Variants in ELF1 observed in about 807,000 individuals in gnomAD.
ELF1 encodes the protein E74 like ETS transcription factor 1, also known as ETS-related transcription factor Elf-1.
A neutral mutation model predicts 59.9 loss-of-function variants in ELF1; 24 were observed. The observed-to-expected ratio is 0.40, with a 90% CI of 0.29 to 0.56. The LOEUF (loss-of-function observed/expected upper bound fraction) is 0.56. Among genes scored for constraint, ELF1 ranks in the 20% least tolerant of loss-of-function variants. ELF1 has a pLI of 0.44. For synonymous variants in ELF1, 248 were observed against 266.2 expected (o/e 0.93, Z 0.67); for missense variants, 627 against 742.2 (o/e 0.84, Z 1.80).
chr13:41,051,711 CTCTCTG>C (rs1400726010), intron 1 of ELF1, among the ~76,000 whole-genome samples: 4 of 152,020 alleles, frequency 2.6e-5, no homozygotes, highest in Non-Finnish European at 5.9e-5. Context: ...TCTAGAATGA[CTCTCTG>C]GATCAAAAAG....
intron 1 of ELF1, among the ~76,000 whole-genome samples, chr13:41,031,153 T>A (rs1481913076): frequency 2.1e-5 from 3 of 142,238 alleles, no homozygotes; most frequent in Admixed American, 1.4e-4. Context: ...AGTGAGACCC[T>A]ATTAAAAAAA....
At chr13:40,982,304 T>G (rs2138272992) in intron 1 of ELF1, 22 bp from the exon 2 acceptor site, 1 of 1,223,700 alleles carries the variant, frequency 8.2e-7, no homozygotes, top group Non-Finnish European at 1.0e-6. Context: ...AAGCTCAGAT[T>G]AGTTATGAAA....
chr13:40,988,886 C>T (rs1014699166), intron 1 of ELF1, among the ~76,000 whole-genome samples: 5 of 152,130 alleles, frequency 3.3e-5, no homozygotes, highest in Non-Finnish European at 4.4e-5. Context: ...CTGCAACCTC[C>T]GCCTGGGTTC....
intron 5 of ELF1, among the ~76,000 whole-genome samples, chr13:40,944,835 A>G (rs1870407077): frequency 6.6e-6 from 1 of 152,168 alleles, no homozygotes; most frequent in South Asian, 2.1e-4. Context: ...GGTAAATATA[A>G]CACAGGGCAG....
rs9566667 is a variant in ELF1 at position 41,026,093 on chromosome 13, G to C, written c.-229+34745C>G. Among the ~76,000 whole-genome samples the C allele has an allele frequency of 2.7e-3, 405 of 152,222 alleles. 7 individuals carry two copies. The East Asian group carries it at 0.049, about 18-fold the overall frequency. On this transcript the variant is annotated intron_variant, in intron 1 of 1. Coordinates refer to the ELF1 transcript ENST00000405737. Reference sequence around the variant, plus strand: ...TAGTCCATTATATCAATGACATTATGCTTATTGGACCTAATGAGCAACGAG... The same window carrying C: ...TAGTCCATTATATCAATGACATTATCCTTATTGGACCTAATGAGCAACGAG...
intron 4 of ELF1, among the ~76,000 whole-genome samples, chr13:40,950,195 C>T (rs1414742347): frequency 1.3e-5 from 2 of 152,172 alleles, no homozygotes; most frequent in South Asian, 4.1e-4. Flanking sequence ...TTCCTATCAC[C>T]AGTCTGTCTC....
chr13:41,061,084 C>A (rs114849419), exon 1 of ELF1: 2 of 196,162 alleles, frequency 1.0e-5, no homozygotes, highest in South Asian at 1.6e-4. Context: ...CAGCGCCGGT[C>A]CCGCAGTTTC....
At chr13:41,015,335 C>CAA (rs143567934) in intron 1 of ELF1, among the ~76,000 whole-genome samples, 1 of 146,000 alleles carries the variant, frequency 6.8e-6, no homozygotes, top group Non-Finnish European at 1.5e-5. Context: ...TATAGCACAG[C>CAA]AAAAAAAAAC....
rs1555283734 is a variant in ELF1, at chr13:41,060,944, CGCT to C, written c.-338_-336del. On this transcript the variant is annotated 5_prime_UTR_variant, in exon 1 of 2. Coordinates refer to the ELF1 transcript ENST00000405737. ...CCGCCGCCGCCGCCGCCGCCGCCGC[CGCT>C]GCTGCTGCCCACACGCTCCCGAGCT... 1.5e-3 allele frequency: 398 copies of C among 265,180 alleles called. 18 individuals carry two copies. The highest frequency in any genetic ancestry group is 8.1e-3 in the East Asian group (110 of 13,644). The allele number at this position is 265,180 out of a possible 1,614,324, so 16.4% of individuals were successfully genotyped here.
chr13:41,049,663 C>T (rs1443539958), intron 1 of ELF1, among the ~76,000 whole-genome samples: 1 of 152,162 alleles, frequency 6.6e-6, no homozygotes, highest in East Asian at 1.9e-4. Context: ...TCTACTCTCT[C>T]TTCCCTTTTC....
chr13:40,991,333 A>T (rs1873842499), intron 1 of ELF1, among the ~76,000 whole-genome samples: 1 of 152,268 alleles, frequency 6.6e-6, no homozygotes. Flanking sequence ...GATGTCCCAT[A>T]GGTCTGTAAG....
At chr13:40,955,650 C>T (rs1289997510) in intron 3 of ELF1, among the ~76,000 whole-genome samples, 1 of 114,612 alleles carries the variant, frequency 8.7e-6, no homozygotes, top group Non-Finnish European at 1.9e-5. Context: ...TCTGCCCGGC[C>T]AGCCGCCCCG....
chr13:41,035,407 CT>C (rs373705779), intron 1 of ELF1, among the ~76,000 whole-genome samples: 27 of 148,862 alleles, frequency 1.8e-4, no homozygotes, highest in African/African-American at 4.9e-4. Context: ...AATGATAAAC[CT>C]TTTTTTTTTC....
chr13:41,046,991 CT>C (rs1863486576), intron 1 of ELF1, among the ~76,000 whole-genome samples: 2 of 152,140 alleles, frequency 1.3e-5, no homozygotes, highest in South Asian at 2.1e-4. Context: ...TTTCTTTTTA[CT>C]TTTTTCTCTA....
At chr13:40,959,130 C>A (rs978987287) in intron 2 of ELF1, 114 bp from the exon 3 acceptor site, 5 of 1,347,084 alleles carry the variant, frequency 3.7e-6, no homozygotes, top group Non-Finnish European at 4.9e-6. Context: ...TTTAGATCAT[C>A]AGGCTGTATC....
chr13:41,033,294 C>G (rs1876243768), intron 1 of ELF1, among the ~76,000 whole-genome samples: 1 of 152,176 alleles, frequency 6.6e-6, no homozygotes, highest in South Asian at 2.1e-4. Context: ...CTCTAAGCCT[C>G]TGTTTTCACA....
chr13:41,021,408 G>A (rs1197008410), upstream of ELF1, among the ~76,000 whole-genome samples: 2 of 152,026 alleles, frequency 1.3e-5, no homozygotes, highest in African/African-American at 4.8e-5. Flanking sequence ...TCTGCCCAGG[G>A]GTATCCCTAT....
chr13:40,945,938 G>T (rs1278119574), intron 5 of ELF1, among the ~76,000 whole-genome samples: 1 of 152,148 alleles, frequency 6.6e-6, no homozygotes, highest in Non-Finnish European at 1.5e-5. Context: ...CTGCCTCCTG[G>T]GTTCAAGCGA....
intron 1 of ELF1, among the ~76,000 whole-genome samples, chr13:41,030,759 A>G (rs1444259688): frequency 6.6e-6 from 1 of 151,782 alleles, no homozygotes; most frequent in East Asian, 1.9e-4. Flanking sequence ...ACACACATAA[A>G]AAGAAAGTAA....
Sources: allele counts gnomAD v4.1 joint callset (sites outside exome capture counted in the v4.1 genomes callset), GRCh38; gene constraint gnomAD v4.1.1; transcripts MANE v1.5; gene names NCBI Gene and HGNC (gene_info 2026-07-23, HGNC 2026-07-21).